Variants in SCRG1 observed in about 807,000 individuals in gnomAD.
SCRG1 encodes the protein stimulator of chondrogenesis 1.
SCRG1 carries 3 observed loss-of-function variants against 7.7 expected under a neutral mutation model. The ratio of observed to expected loss-of-function variants is 0.39; its 90% confidence interval spans 0.18 to 1.01. SCRG1 has a LOEUF of 1.01. SCRG1 is among the 50% of genes least tolerant of loss of function. The probability of loss-of-function intolerance (pLI) is 0.36; values close to 1 mark genes in which losing one functional copy is unlikely to be tolerated. For synonymous variants in SCRG1, 46 were observed against 41.2 expected, an observed-to-expected ratio of 1.12 and a Z score of -0.44; for missense variants, 110 against 117.2, an observed-to-expected ratio of 0.94 and a Z score of 0.28.
chr4:173,397,337 T>C (rs905889781), intron 1 of SCRG1, among the ~76,000 whole-genome samples: 1 of 152,152 alleles, frequency 6.6e-6, no homozygotes, highest in African/African-American at 2.4e-5. Flanking sequence ...TTTTTTTTCT[T>C]TTTCAGTTGA....
chr4:173,436,362 A>G, the SCRG1 span, among the ~76,000 whole-genome samples: 1 of 152,060 alleles, frequency 6.6e-6, no homozygotes. Flanking sequence ...CTTCTCTCTG[A>G]GTTATGTGCT....
the SCRG1 span, among the ~76,000 whole-genome samples, chr4:173,445,530 C>T: frequency 4.2e-5 from 6 of 144,420 alleles, no homozygotes; most frequent in East Asian, 2.1e-4. Context: ...TGTGGTGAGC[C>T]GATATCGTGC....
At chr4:173,413,086 C>T in the SCRG1 span, among the ~76,000 whole-genome samples, 1 of 151,698 alleles carries the variant, frequency 6.6e-6, no homozygotes, top group Admixed American at 6.6e-5. Context: ...GCACAATTTC[C>T]TTTGGGTTGA....
the SCRG1 span, among the ~76,000 whole-genome samples, chr4:173,478,462 G>C: frequency 6.6e-6 from 1 of 152,178 alleles, no homozygotes; most frequent in African/African-American, 2.4e-5. Flanking sequence ...GTAGTTTCCA[G>C]TTTTCTAGTG....
chr4:173,418,535 G>A, the SCRG1 span, among the ~76,000 whole-genome samples: 3 of 152,218 alleles, frequency 2.0e-5, no homozygotes, highest in East Asian at 5.8e-4. Context: ...GTTGTTTGTT[G>A]CTGCACCAAA....
the SCRG1 span, among the ~76,000 whole-genome samples, chr4:173,496,611 T>C: frequency 6.6e-6 from 1 of 152,252 alleles, no homozygotes; most frequent in African/African-American, 2.4e-5. Context: ...TGGTATCAAC[T>C]GAAGCCACAT....
the SCRG1 span, among the ~76,000 whole-genome samples, chr4:173,452,475 T>C: frequency 1.3e-5 from 2 of 152,180 alleles, no homozygotes; most frequent in Admixed American, 1.3e-4. Context: ...AAGGGCCAAC[T>C]GTATTATTTT....
At chr4:173,408,710 T>C (rs563575459), upstream of SCRG1, among the ~76,000 whole-genome samples, 51 of 152,024 alleles carry the variant, frequency 3.4e-4, no homozygotes, top group African/African-American at 1.1e-3. Flanking sequence ...AATTAATGAG[T>C]CTGCTAGGCG....
At chr4:173,422,196 T>C in the SCRG1 span, among the ~76,000 whole-genome samples, 1 of 152,222 alleles carries the variant, frequency 6.6e-6, no homozygotes, top group African/African-American at 2.4e-5. Context: ...TTACAGGATC[T>C]GGCAAATCAA....
the SCRG1 span, among the ~76,000 whole-genome samples, chr4:173,491,199 T>G: frequency 1.4e-5 from 2 of 145,880 alleles, no homozygotes; most frequent in Non-Finnish European, 3.0e-5. Context: ...TAATACAGAA[T>G]TCTCTCTCTC....
At chr4:173,483,848 A>G in the SCRG1 span, among the ~76,000 whole-genome samples, 4 of 105,798 alleles carry the variant, frequency 3.8e-5, 1 homozygote, top group African/African-American at 1.6e-4. Flanking sequence ...AATATATAAT[A>G]TATATTTCAT....
the SCRG1 span, among the ~76,000 whole-genome samples, chr4:173,482,462 T>C: frequency 1.3e-5 from 2 of 152,094 alleles, no homozygotes; most frequent in Admixed American, 6.6e-5. Context: ...ACATACTGTC[T>C]TTTTTCTTGT....
chr4:173,494,792 T>C, the SCRG1 span, among the ~76,000 whole-genome samples: 1 of 152,250 alleles, frequency 6.6e-6, no homozygotes, highest in Non-Finnish European at 1.5e-5. Flanking sequence ...GGTGTTAGAC[T>C]AGTGGATTCC....
At chr4:173,476,361 A>ATATATATATATAT in the SCRG1 span, among the ~76,000 whole-genome samples, 6 of 51,422 alleles carry the variant, frequency 1.2e-4, no homozygotes, top group African/African-American at 1.9e-4. Context: ...GGGGAAAAAA[A>ATATATATATATAT]AAATATATAT....
chr4:173,470,822 A>G, the SCRG1 span, among the ~76,000 whole-genome samples: 3 of 152,372 alleles, frequency 2.0e-5, no homozygotes, highest in South Asian at 6.2e-4. Context: ...AATAAACTTC[A>G]TAAAAATCAG....
the SCRG1 span, among the ~76,000 whole-genome samples, chr4:173,425,639 T>A: frequency 7.9e-5 from 12 of 152,342 alleles, no homozygotes; most frequent in East Asian, 1.7e-3. Flanking sequence ...AATGAGACTC[T>A]CTGATCAGCA....
chr4:173,480,451 G>A, the SCRG1 span, among the ~76,000 whole-genome samples: 1 of 151,646 alleles, frequency 6.6e-6, no homozygotes, highest in African/African-American at 2.4e-5. Flanking sequence ...GATTAAAAAA[G>A]ATGGACGACA....
chr4:173,479,493 T>G, the SCRG1 span, among the ~76,000 whole-genome samples: 3 of 146,994 alleles, frequency 2.0e-5, no homozygotes, highest in Admixed American at 1.4e-4. Flanking sequence ...TAGGCTGGAG[T>G]GCAGTGGCAT....
chr4:173,504,872 G>A, the SCRG1 span, among the ~76,000 whole-genome samples: 3 of 152,214 alleles, frequency 2.0e-5, no homozygotes, highest in Non-Finnish European at 4.4e-5. The surrounding 1 kb of genome is among the most constrained non-coding windows in gnomAD (Gnocchi z 4.7). Flanking sequence ...CCTAGCCACA[G>A]CTAGCAGCAG....
Sources: gnomAD v4.1 joint callset for allele counts (sites outside exome capture counted in the v4.1 genomes callset) on GRCh38, gnomAD v4.1.1 for gene constraint, Gnocchi (gnomAD v3.1) non-coding constraint, MANE v1.5 for transcripts, NCBI Gene and HGNC (gene_info 2026-07-23, HGNC 2026-07-21) for gene names.